The following CA10 variants were observed in gnomAD, a reference collection of about 807,000 sequenced individuals.
CA10 encodes the protein carbonic anhydrase-related protein 10.
In CA10, 14 loss-of-function variants were observed where a neutral mutation model predicts 44.2. The observed-to-expected ratio is 0.32, with a 90% CI of 0.21 to 0.50. CA10 has a LOEUF of 0.50. Ranked by LOEUF, CA10 falls within the 20% of genes least tolerant of loss-of-function variation. CA10 has a pLI of 0.99. For missense variants in CA10, 350 were observed against 409.7 expected (o/e 0.85, Z 1.26); for synonymous variants, 159 against 141.6 (o/e 1.12, Z -0.87).
chr17:52,086,232 C>A (rs146926495), intron 1 of CA10, among the ~76,000 whole-genome samples: 2 of 152,096 alleles, frequency 1.3e-5, no homozygotes. Flanking sequence ...AGTTTACCTG[C>A]GAGAACAGGC....
intron 3 of CA10, among the ~76,000 whole-genome samples, chr17:51,884,155 G>T (rs1437041382): frequency 2.0e-5 from 3 of 151,960 alleles, no homozygotes; most frequent in Non-Finnish European, 4.4e-5. Flanking sequence ...TGCCTCCTTG[G>T]GTCAAGACAC....
intron 3 of CA10, among the ~76,000 whole-genome samples, chr17:51,840,178 A>T (rs911213407): frequency 6.6e-6 from 1 of 152,152 alleles, no homozygotes; most frequent in African/African-American, 2.4e-5. Flanking sequence ...CTCACTGGTG[A>T]GGCAGGTGAA....
intron 3 of CA10, among the ~76,000 whole-genome samples, chr17:51,840,789 A>G (rs1978313101): frequency 6.6e-6 from 1 of 152,224 alleles, no homozygotes; most frequent in African/African-American, 2.4e-5. Flanking sequence ...AAAATACGAT[A>G]TCAAAACCAC....
At chr17:52,039,846 G>T (rs1054183278) in intron 2 of CA10, among the ~76,000 whole-genome samples, 1 of 152,088 alleles carries the variant, frequency 6.6e-6, no homozygotes, top group African/African-American at 2.4e-5. Context: ...GATAAAAGAC[G>T]ATTTAAGAGA....
At chr17:51,881,313 C>T (rs535830895) in intron 3 of CA10, among the ~76,000 whole-genome samples, 9 of 149,488 alleles carry the variant, frequency 6.0e-5, no homozygotes, top group Non-Finnish European at 1.2e-4. Flanking sequence ...AGATAGATTA[C>T]GGATATAAAA....
chr17:52,020,518 A>T (rs1043525600), intron 2 of CA10, among the ~76,000 whole-genome samples: 4 of 151,968 alleles, frequency 2.6e-5, no homozygotes, highest in African/African-American at 4.8e-5. Context: ...CAAATCCGTC[A>T]TTTTTTGTCT....
intron 2 of CA10, among the ~76,000 whole-genome samples, chr17:52,042,337 T>A (rs918328696): frequency 4.6e-5 from 7 of 152,094 alleles, no homozygotes; most frequent in Admixed American, 1.3e-4. Context: ...ATTTCTCTTA[T>A]GATTAATGAT....
At chr17:52,137,543 A>G (rs1989386660) in intron 1 of CA10, among the ~76,000 whole-genome samples, 1 of 152,204 alleles carries the variant, frequency 6.6e-6, no homozygotes, top group South Asian at 2.1e-4. Context: ...AATCAGTTAA[A>G]TATAAGCCTG....
At chr17:51,857,690 C>T (rs528131043) in intron 3 of CA10, among the ~76,000 whole-genome samples, 1 of 152,210 alleles carries the variant, frequency 6.6e-6, no homozygotes, top group African/African-American at 2.4e-5. Flanking sequence ...TCTATTCCCA[C>T]AGCCATTCTC....
intron 2 of CA10, among the ~76,000 whole-genome samples, chr17:52,044,877 T>A (rs937235412): frequency 6.6e-6 from 1 of 151,052 alleles, no homozygotes; most frequent in African/African-American, 2.4e-5. Flanking sequence ...CCAGAAGGAA[T>A]TGAGATTGGA....
At chr17:51,958,257 G>GT (rs56021809) in intron 2 of CA10, among the ~76,000 whole-genome samples, 2,750 of 146,590 alleles carry the variant, frequency 0.019, 19 homozygotes, top group Non-Finnish European at 0.022. Flanking sequence ...AAATAACTGA[G>GT]TTTTTTTTTT....
intron 1 of CA10, among the ~76,000 whole-genome samples, chr17:52,156,171 T>C (rs1047673940): frequency 2.0e-5 from 3 of 152,220 alleles, no homozygotes; most frequent in African/African-American, 4.8e-5. Context: ...TTATAACTAG[T>C]CAAATATTCT....
At chr17:51,969,102 G>C (rs182757676) in intron 2 of CA10, among the ~76,000 whole-genome samples, 2 of 152,064 alleles carry the variant, frequency 1.3e-5, no homozygotes, top group African/African-American at 4.8e-5. Context: ...GCAGCAATCT[G>C]TTCCAAATAT....
intron 2 of CA10, among the ~76,000 whole-genome samples, chr17:51,959,797 G>GAAAAAAAAAAAAAAAAAAAGAAAAAA (rs3062037): frequency 8.9e-6 from 1 of 112,374 alleles, no homozygotes; most frequent in Non-Finnish European, 1.8e-5. Flanking sequence ...CTGCTAAGAT[G>GAAAAAAAAAAAAAAAAAAAGAAAAAA]AAAAAAAAAA....
chr17:51,959,282 C>CTCTGTGTGTGTGTGTGTGTG (rs748461115), intron 2 of CA10, among the ~76,000 whole-genome samples: 1 of 134,370 alleles, frequency 7.4e-6, no homozygotes, highest in Non-Finnish European at 1.6e-5. Context: ...CTCTCTCTCT[C>CTCTGTGTGTGTGTGTGTGTG]TGTGTGTGTG....
intron 1 of CA10, among the ~76,000 whole-genome samples, chr17:52,119,025 T>C (rs1291594492): frequency 6.6e-6 from 1 of 152,198 alleles, no homozygotes; most frequent in Non-Finnish European, 1.5e-5. Flanking sequence ...ACTGAACTAA[T>C]AGAAAACTGA....
At chr17:51,800,587 A>G (rs1206293079) in intron 3 of CA10, among the ~76,000 whole-genome samples, 3 of 152,238 alleles carry the variant, frequency 2.0e-5, no homozygotes, top group Non-Finnish European at 4.4e-5. Context: ...TAAGTTAACC[A>G]TACTTCATAA....
intron 3 of CA10, among the ~76,000 whole-genome samples, chr17:51,816,455 T>C (rs1598059509): frequency 1.3e-5 from 2 of 152,342 alleles, no homozygotes; most frequent in Admixed American, 1.3e-4. Flanking sequence ...CTGGATCATA[T>C]GGTAGCTCTG....
At chr17:51,940,310 C>T (rs900292314) in intron 2 of CA10, among the ~76,000 whole-genome samples, 12 of 151,980 alleles carry the variant, frequency 7.9e-5, no homozygotes, top group African/African-American at 7.2e-5. Context: ...GTAATTTATA[C>T]GACAAAACTT....
Sources: gnomAD v4.1 joint callset for allele counts (sites outside exome capture counted in the v4.1 genomes callset) on GRCh38, gnomAD v4.1.1 for gene constraint, MANE v1.5 for transcripts, NCBI Gene and HGNC (gene_info 2026-07-23, HGNC 2026-07-21) for gene names.